The following DNAH17 variants were observed in gnomAD, a reference collection of about 807,000 sequenced individuals.
The protein encoded by DNAH17 is dynein axonemal heavy chain 17, also known as axonemal beta dynein heavy chain 17.
A neutral mutation model predicts 485.6 loss-of-function variants in DNAH17; 376 were observed. The observed-to-expected ratio is 0.77, with a 90% CI of 0.71 to 0.84. The LOEUF (loss-of-function observed/expected upper bound fraction) is 0.84, where lower values mean the gene tolerates loss of function less well. DNAH17 is among the 40% of genes least tolerant of loss of function. The pLI is 0.00. For synonymous variants in DNAH17, 3,031 were observed against 2,405.9 expected (o/e 1.26, Z -7.60); for missense variants, 6,370 against 5,839.3 (o/e 1.09, Z -2.96).
intron 76 of DNAH17, 47 bp from the exon 77 acceptor site, chr17:78,428,754 G>A: frequency 6.2e-7 from 1 of 1,603,190 alleles, no homozygotes; most frequent in Non-Finnish European, 8.5e-7. Context: ...TGTGCAGGCT[G>A]AAACCCATGT....
intron 9 of DNAH17, among the ~76,000 whole-genome samples, chr17:78,568,064 G>A (rs1429138206): frequency 1.3e-5 from 2 of 152,190 alleles, no homozygotes. Context: ...AGGACCAGGA[G>A]CTCTTGGCTC....
At chr17:78,571,962 G>C (rs1316704926) in intron 3 of DNAH17, among the ~76,000 whole-genome samples, 180 bp from the exon 4 acceptor site, 1 of 152,200 alleles carries the variant, frequency 6.6e-6, no homozygotes, top group Non-Finnish European at 1.5e-5. Flanking sequence ...AAGACTCCCA[G>C]CTAGGAAGAG....
In DNAH17 at chr17:78,492,581, T is replaced by G. The variant is rs543936645; in HGVS notation, c.6541+52A>C. 2.5e-6 allele frequency: 4 copies of G among 1,601,474 alleles called. No individual in the cohort carries two copies. In the East Asian group the frequency reaches 9.0e-5, roughly 36 times the overall value. On this transcript the variant is annotated intron_variant, in intron 42 of 80. Coordinates refer to ENST00000389840, the MANE Select transcript of DNAH17 (RefSeq NM_173628.4). ...TGGGAACGGCTGAGCACACGCTCAC[T>G]GCACTGGACCAGGAGTGCCCCTGCA...
At chr17:78,501,555 A>G in intron 34 of DNAH17, 187 bp downstream of exon 34, 1 of 988,700 alleles carries the variant, frequency 1.0e-6, no homozygotes, top group Non-Finnish European at 1.5e-6. Context: ...GGCACCGCTC[A>G]TCTGACTGCT....
intron 2 of DNAH17, among the ~76,000 whole-genome samples, chr17:78,574,339 C>T (rs2092403357): frequency 1.3e-5 from 2 of 151,850 alleles, no homozygotes; most frequent in South Asian, 4.1e-4. Flanking sequence ...CATCTCTTAC[C>T]AAAAAATACG....
At chr17:78,500,194 A>G (rs1434137857) in intron 36 of DNAH17, 111 bp downstream of exon 36, 1 of 1,250,306 alleles carries the variant, frequency 8.0e-7, no homozygotes, top group Admixed American at 2.8e-5. Context: ...AGTGCCATTC[A>G]CAGGTATCCA....
intron 27 of DNAH17, among the ~76,000 whole-genome samples, chr17:78,508,332 G>A (rs1168095752): frequency 1.3e-5 from 2 of 152,092 alleles, no homozygotes; most frequent in Non-Finnish European, 2.9e-5. Flanking sequence ...AAGTGGAGGC[G>A]GAAAGAATCC....
rs200709141 is a variant in DNAH17, at chr17:78,537,328, G to A, written c.2830C>T (p.Arg944Trp). Residue 944 changes from arginine (R) to tryptophan (W), a missense_variant, in exon 19 of 81, where the codon CGG (arginine) becomes TGG (tryptophan). Coordinates refer to ENST00000389840, the MANE Select transcript of DNAH17 (RefSeq NM_173628.4). ...DIYNVARLIP[R>W]LAKDRMNYKM... ...TAGTTCATCCTGTCCTTGGCCAGCC[G>A]AGGGATGAGCCTGGCTACGTTGTAG... The A allele has an allele frequency of 1.6e-3, 2,600 of 1,589,100 alleles. 6 individuals are homozygous for A. The highest frequency in any genetic ancestry group is 1.9e-3 in the Non-Finnish European group (2,272 of 1,167,976).
chr17:78,542,283 G>A (rs1165387800), intron 17 of DNAH17, among the ~76,000 whole-genome samples: 1 of 151,868 alleles, frequency 6.6e-6, no homozygotes, highest in African/African-American at 2.4e-5. Context: ...AAGTAGCTAG[G>A]ATTACAGGTT....
intron 38 of DNAH17, 145 bp downstream of exon 38, chr17:78,495,730 G>A (rs2090046538): frequency 3.1e-6 from 3 of 973,394 alleles, no homozygotes; most frequent in Admixed American, 3.0e-5. Context: ...GAGTTACTGT[G>A]CCCGGCCATC....
chr17:78,464,244 A>G (rs1441881697), intron 56 of DNAH17, among the ~76,000 whole-genome samples: 1 of 152,122 alleles, frequency 6.6e-6, no homozygotes, highest in Non-Finnish European at 1.5e-5. Context: ...AACAGTGAAC[A>G]TGGGCGCCAT....
chr17:78,566,972 T>G, intron 10 of DNAH17, 27 bp downstream of exon 10: 1 of 1,591,944 alleles, frequency 6.3e-7, no homozygotes, highest in Non-Finnish European at 8.6e-7. Flanking sequence ...CCGAGTCCAG[T>G]TCATCCAACC....
intron 2 of DNAH17, among the ~76,000 whole-genome samples, chr17:78,573,597 C>CAAA (rs112944174): frequency 0.028 from 3,372 of 119,456 alleles, 64 homozygotes; most frequent in East Asian, 0.081. Flanking sequence ...AAAATACTGT[C>CAAA]AAAAAAAAAA....
intron 64 of DNAH17, 82 bp downstream of exon 64, chr17:78,454,388 A>G (rs1598475926): frequency 9.3e-7 from 1 of 1,073,554 alleles, no homozygotes; most frequent in Non-Finnish European, 1.3e-6. Flanking sequence ...AGACCCACCC[A>G]TCCATTGAAC....
intron 12 of DNAH17, among the ~76,000 whole-genome samples, chr17:78,561,412 G>A (rs748973236): frequency 8.5e-5 from 13 of 152,056 alleles, no homozygotes; most frequent in African/African-American, 1.2e-4. Context: ...TTGGCCAAGT[G>A]CACGCAACAG....
At chr17:78,456,609 C>T (rs777974657) in intron 62 of DNAH17, among the ~76,000 whole-genome samples, 8 of 152,190 alleles carry the variant, frequency 5.3e-5, no homozygotes, top group Non-Finnish European at 1.2e-4. Context: ...TCGTGCTTCT[C>T]GGGCCACCAT....
chr17:78,426,501 T>G lies in DNAH17; in HGVS notation c.12871A>C (p.Met4291Leu). 6.2e-7 allele frequency: 1 copy of G among 1,613,202 alleles called. No individual in the cohort carries two copies. The highest frequency in any genetic ancestry group is 8.5e-7 in the Non-Finnish European group (1 of 1,179,530). The change falls in exon 79 of 81, where the codon ATG becomes CTG. Residue 4291 changes from methionine to leucine, a missense_variant. Transcript: ENST00000389840. ...TWVARAYPSM[M>L]GLAAWYADLL... Reference sequence around the variant, plus strand: ...TCTGCGTACCAGGCCGCCAGGCCCATCATGGAGGGGTAGGCCCGGGCCACC... The same window carrying G: ...TCTGCGTACCAGGCCGCCAGGCCCAGCATGGAGGGGTAGGCCCGGGCCACC...
intron 25 of DNAH17, among the ~76,000 whole-genome samples, chr17:78,516,942 T>C (rs546220131): frequency 1.3e-5 from 2 of 152,242 alleles, no homozygotes; most frequent in Non-Finnish European, 2.9e-5. Flanking sequence ...TATGGGAACA[T>C]GGAATACTGC....
rs8073657 is a variant in DNAH17, at chr17:78,477,569, G to T, written c.7993-836C>A. On this transcript the variant is annotated intron_variant, in intron 51 of 80. Transcript: ENST00000389840. ...AATTTTTGTATTTTTAGTAGACACA[G>T]GGTTTCACCATGTTGGCCAGGCTGG... Among the ~76,000 whole-genome samples the T allele has an allele frequency of 9.6e-3, 1,457 of 152,196 alleles. 24 individuals are homozygous for T. Among genetic ancestry groups the T allele is most frequent in the African/African-American group, 0.033 (1,379 of 41,506 alleles).
Sources: gnomAD v4.1 joint callset for allele counts (sites outside exome capture counted in the v4.1 genomes callset) on GRCh38, gnomAD v4.1.1 for gene constraint, MANE v1.5 for transcripts, NCBI Gene and HGNC (gene_info 2026-07-23, HGNC 2026-07-21) for gene names.